Variants in SPMIP6 observed in about 807,000 individuals in gnomAD.
The protein encoded by SPMIP6 is sperm microtubule inner protein 6, also known as ciliated bronchial epithelial protein 1.
the SPMIP6 span, chr9:34,382,647 G>A: frequency 1.3e-6 from 1 of 775,646 alleles, no homozygotes; most frequent in African/African-American, 1.7e-5. Context: ...GCATTTGTTG[G>A]GAAAGCAATG....
chr9:34,391,234 T>C, the SPMIP6 span, among the ~76,000 whole-genome samples: 1 of 152,170 alleles, frequency 6.6e-6, no homozygotes. Flanking sequence ...GTTCAGAACG[T>C]TCTCTTACTT....
chr9:34,379,792 A>T, the SPMIP6 span: 3 of 1,360,180 alleles, frequency 2.2e-6, no homozygotes, highest in Non-Finnish European at 3.1e-6. This position sits in a 1 kb window ranked among gnomAD's most constrained non-coding sequence, Gnocchi z 4.2. Context: ...TCATCCCCCG[A>T]TTTAGACCAA....
chr9:34,395,209 T>C, the SPMIP6 span, among the ~76,000 whole-genome samples: 2 of 152,168 alleles, frequency 1.3e-5, no homozygotes, highest in Admixed American at 6.5e-5. Flanking sequence ...GCAATCTTCC[T>C]GTCTGCTTCA....
the SPMIP6 span, among the ~76,000 whole-genome samples, chr9:34,390,559 A>T: frequency 6.6e-6 from 1 of 152,224 alleles, no homozygotes; most frequent in Non-Finnish European, 1.5e-5. Flanking sequence ...TGCATTTATG[A>T]AATAAATACA....
chr9:34,379,195 T>G, the SPMIP6 span: 1 of 1,547,970 alleles, frequency 6.5e-7, no homozygotes, highest in South Asian at 1.1e-5. This position sits in a 1 kb window ranked among gnomAD's most constrained non-coding sequence, Gnocchi z 4.2. Flanking sequence ...CAGGAAGAGA[T>G]GGGTCAGCCG....
the SPMIP6 span, among the ~76,000 whole-genome samples, chr9:34,384,351 C>T: frequency 5.5e-4 from 84 of 152,258 alleles, no homozygotes; most frequent in African/African-American, 1.9e-3. Flanking sequence ...CCTGAGGAAC[C>T]CCATGTTTCC....
the SPMIP6 span, among the ~76,000 whole-genome samples, chr9:34,393,061 A>T: frequency 6.6e-6 from 1 of 152,180 alleles, no homozygotes; most frequent in Non-Finnish European, 1.5e-5. Flanking sequence ...TATCATGCAG[A>T]TTTCTCTCAT....
At chr9:34,388,029 A>T in the SPMIP6 span, among the ~76,000 whole-genome samples, 1 of 152,068 alleles carries the variant, frequency 6.6e-6, no homozygotes, top group East Asian at 1.9e-4. Flanking sequence ...CTCAATTGGT[A>T]TCCCCAGTCC....
chr9:34,385,652 G>A, the SPMIP6 span: 4 of 1,612,034 alleles, frequency 2.5e-6, 1 homozygote, highest in Non-Finnish European at 3.4e-6. Flanking sequence ...TCTTGAGAAA[G>A]CCAGTACTTC....
chr9:34,379,109 C>T, the SPMIP6 span: 1 of 1,613,338 alleles, frequency 6.2e-7, no homozygotes, highest in Admixed American at 1.7e-5. This position sits in a 1 kb window ranked among gnomAD's most constrained non-coding sequence, Gnocchi z 4.2. Context: ...AGGTCTCAGA[C>T]ACAAACTCAG....
chr9:34,386,059 A>G, the SPMIP6 span, among the ~76,000 whole-genome samples: 21 of 152,124 alleles, frequency 1.4e-4, no homozygotes, highest in South Asian at 1.0e-3. Context: ...CATTTCTGCC[A>G]TTTCCTGGTG....
chr9:34,381,574 T>TC, the SPMIP6 span: 1 of 1,496,724 alleles, frequency 6.7e-7, no homozygotes. This position sits in a 1 kb window ranked among gnomAD's most constrained non-coding sequence, Gnocchi z 4.4. Context: ...TCCCCACCTC[T>TC]CCAGGGCTCT....
chr9:34,397,402 C>CA, the SPMIP6 span: 1 of 1,336,718 alleles, frequency 7.5e-7, no homozygotes, highest in African/African-American at 1.4e-5. Context: ...AAAACACACA[C>CA]ATACACAAAG....
At chr9:34,395,467 C>A in the SPMIP6 span, among the ~76,000 whole-genome samples, 1 of 152,102 alleles carries the variant, frequency 6.6e-6, no homozygotes, top group African/African-American at 2.4e-5. Flanking sequence ...AATTCTCTGT[C>A]TTCTTTTATG....
At chr9:34,388,585 C>T in the SPMIP6 span, among the ~76,000 whole-genome samples, 1 of 152,132 alleles carries the variant, frequency 6.6e-6, no homozygotes, top group Non-Finnish European at 1.5e-5. Flanking sequence ...TGAATTATGG[C>T]TTGGCTTTTC....
the SPMIP6 span, chr9:34,385,830 C>T: frequency 1.3e-6 from 2 of 1,567,824 alleles, no homozygotes; most frequent in Non-Finnish European, 8.7e-7. Context: ...GAGACCCCAG[C>T]CCTGGGGTCT....
the SPMIP6 span, among the ~76,000 whole-genome samples, chr9:34,392,938 A>G: frequency 2.6e-5 from 4 of 152,234 alleles, no homozygotes; most frequent in Admixed American, 6.5e-5. The surrounding 1 kb of genome is among the most constrained non-coding windows in gnomAD (Gnocchi z 4.6). Context: ...CTCTATGGCA[A>G]TAAGGTGAAC....
chr9:34,397,432 T>C, the SPMIP6 span: 2 of 1,508,944 alleles, frequency 1.3e-6, no homozygotes, highest in Non-Finnish European at 1.8e-6. Flanking sequence ...ATTACAAACA[T>C]ACATTGCCAG....
At chr9:34,380,185 A>AC in the SPMIP6 span, among the ~76,000 whole-genome samples, 3 of 151,866 alleles carry the variant, frequency 2.0e-5, no homozygotes. Flanking sequence ...ATCACTATGG[A>AC]CCCCCACTGC....
Sources: gnomAD v4.1 joint callset for allele counts (sites outside exome capture counted in the v4.1 genomes callset) on GRCh38, gnomAD v4.1.1 for gene constraint, Gnocchi (gnomAD v3.1) non-coding constraint, MANE v1.5 for transcripts, NCBI Gene and HGNC (gene_info 2026-07-23, HGNC 2026-07-21) for gene names.